Variants in NHSL1 observed in about 807,000 individuals in gnomAD.
The protein encoded by NHSL1 is NHS like 1.
Under a neutral mutation model 95.0 loss-of-function variants are expected in NHSL1, and 48 were observed. That is an observed-to-expected ratio of 0.51 (90% CI 0.40 to 0.64). The LOEUF (loss-of-function observed/expected upper bound fraction) is 0.64, where lower values mean the gene tolerates loss of function less well. NHSL1 is among the 30% of genes least tolerant of loss of function. The probability of loss-of-function intolerance (pLI) is 0.00; values close to 1 mark genes in which losing one functional copy is unlikely to be tolerated. For missense variants in NHSL1, 1,971 were observed against 2,077.7 expected (o/e 0.95, Z 1.00); for synonymous variants, 783 against 833.9 (o/e 0.94, Z 1.05).
chr6:138,534,633 C>T (rs1782265209), intron 1 of NHSL1, among the ~76,000 whole-genome samples: 1 of 152,140 alleles, frequency 6.6e-6, no homozygotes, highest in South Asian at 2.1e-4. Context: ...TAACTTAATC[C>T]CTATCAATAA....
At chr6:138,561,328 G>C (rs78830506) in intron 1 of NHSL1, among the ~76,000 whole-genome samples, 1 of 152,080 alleles carries the variant, frequency 6.6e-6, no homozygotes, top group South Asian at 2.1e-4. Context: ...GCATGGAACC[G>C]GATCAGTATG....
chr6:138,605,069 A>G (rs1017486625), intron 1 of NHSL1, among the ~76,000 whole-genome samples: 2 of 152,230 alleles, frequency 1.3e-5, no homozygotes, highest in Non-Finnish European at 2.9e-5. Flanking sequence ...TAGTACAGAG[A>G]TTGGTACACT....
At chr6:138,658,867 T>C (rs1167768123) in intron 1 of NHSL1, among the ~76,000 whole-genome samples, 2 of 152,114 alleles carry the variant, frequency 1.3e-5, no homozygotes, top group African/African-American at 2.4e-5. Flanking sequence ...TTACGTTTTG[T>C]TTCTTTTAAA....
chr6:138,608,210 C>G (rs1784460429), intron 1 of NHSL1, among the ~76,000 whole-genome samples: 2 of 152,256 alleles, frequency 1.3e-5, no homozygotes, highest in South Asian at 4.1e-4. Flanking sequence ...ACTAACATGT[C>G]TGCCTGTCAG....
At chr6:138,427,993 A>G (rs1338789770) in intron 7 of NHSL1, among the ~76,000 whole-genome samples, 1 of 152,254 alleles carries the variant, frequency 6.6e-6, no homozygotes, top group Non-Finnish European at 1.5e-5. Flanking sequence ...ACCGATTTCT[A>G]CATCTGCAGT....
chr6:138,616,499 G>A (rs1197174650), intron 1 of NHSL1, among the ~76,000 whole-genome samples: 1 of 152,102 alleles, frequency 6.6e-6, no homozygotes, highest in African/African-American at 2.4e-5. Flanking sequence ...GGGAGGAAGA[G>A]AGGAAGAGGG....
At chr6:138,674,248 T>G (rs775263710) in intron 1 of NHSL1, among the ~76,000 whole-genome samples, 1 of 151,832 alleles carries the variant, frequency 6.6e-6, no homozygotes. Context: ...TTGTATTGAA[T>G]GCTCTTTCTG....
chr6:138,467,436 G>A (rs1437533716), intron 3 of NHSL1, among the ~76,000 whole-genome samples: 3 of 152,212 alleles, frequency 2.0e-5, no homozygotes, highest in Non-Finnish European at 2.9e-5. Context: ...ACAGGCGTAA[G>A]CCACCACGCC....
At chr6:138,692,836 A>G (rs967019565), upstream of NHSL1, among the ~76,000 whole-genome samples, 3 of 150,306 alleles carry the variant, frequency 2.0e-5, no homozygotes, top group Non-Finnish European at 3.0e-5. The surrounding 1 kb of genome is among the most constrained non-coding windows in gnomAD (Gnocchi z 4.0). Flanking sequence ...GCCTGCATCC[A>G]ACACAAAGGA....
chr6:138,584,009 C>G (rs1440094717), intron 1 of NHSL1, among the ~76,000 whole-genome samples: 1 of 152,192 alleles, frequency 6.6e-6, no homozygotes, highest in Non-Finnish European at 1.5e-5. Flanking sequence ...GTCCCAGCTA[C>G]TCAGGAAGCT....
At chr6:138,519,896 T>C (rs1049951529) in intron 1 of NHSL1, among the ~76,000 whole-genome samples, 5 of 152,164 alleles carry the variant, frequency 3.3e-5, no homozygotes, top group Non-Finnish European at 7.3e-5. Flanking sequence ...CCTTAAAAAG[T>C]TGATAAAGAT....
intron 1 of NHSL1, among the ~76,000 whole-genome samples, chr6:138,623,379 G>A (rs1300552287): frequency 6.6e-6 from 1 of 151,952 alleles, no homozygotes; most frequent in Non-Finnish European, 1.5e-5. Context: ...GTGTCTGTCT[G>A]GTTTGTTTAT....
intron 3 of NHSL1, among the ~76,000 whole-genome samples, chr6:138,466,480 T>A (rs1323314476): frequency 6.6e-6 from 1 of 152,238 alleles, no homozygotes; most frequent in Admixed American, 6.5e-5. Context: ...CCCAATCACC[T>A]CTATGCTGAG....
intron 2 of NHSL1, among the ~76,000 whole-genome samples, chr6:138,493,424 G>A (rs765920835): frequency 1.3e-5 from 2 of 152,226 alleles, no homozygotes; most frequent in African/African-American, 2.4e-5. Context: ...AAGAAAAGCA[G>A]AAATGCCTAT....
At chr6:138,456,655 T>C (rs993103282) in intron 3 of NHSL1, among the ~76,000 whole-genome samples, 3 of 152,196 alleles carry the variant, frequency 2.0e-5, no homozygotes, top group Non-Finnish European at 2.9e-5. Context: ...GAACGTATCA[T>C]CAAATATAAC....
At chr6:138,583,251 C>T (rs1282308253) in intron 1 of NHSL1, among the ~76,000 whole-genome samples, 1 of 152,194 alleles carries the variant, frequency 6.6e-6, no homozygotes, top group Non-Finnish European at 1.5e-5. Context: ...GCTGCAGAAG[C>T]TTCCTAGGCA....
upstream of NHSL1, among the ~76,000 whole-genome samples, chr6:138,503,020 G>C (rs1583316847): frequency 6.6e-6 from 1 of 152,050 alleles, no homozygotes; most frequent in Admixed American, 6.6e-5. Context: ...CCAACACCTC[G>C]AGTAATTGCT....
At chr6:138,498,358 C>T (rs1780481631) in intron 1 of NHSL1, among the ~76,000 whole-genome samples, 3 of 152,206 alleles carry the variant, frequency 2.0e-5, no homozygotes, top group Admixed American at 6.5e-5. Context: ...CTCTTCCCCT[C>T]GTGTTCCTCA....
At chr6:138,598,240 C>T (rs1205445992) in intron 1 of NHSL1, among the ~76,000 whole-genome samples, 1 of 152,226 alleles carries the variant, frequency 6.6e-6, no homozygotes, top group Admixed American at 6.5e-5. Context: ...AGATGGATCA[C>T]TTGAGGCCAA....
Sources: allele counts gnomAD v4.1 joint callset (sites outside exome capture counted in the v4.1 genomes callset), GRCh38; gene constraint gnomAD v4.1.1; non-coding constraint Gnocchi (gnomAD v3.1); transcripts MANE v1.5; gene names NCBI Gene and HGNC (gene_info 2026-07-23, HGNC 2026-07-21).